SLC12A8: variants seen among roughly 807,000 people sequenced by gnomAD.
SLC12A8 encodes solute carrier family 12 member 8, also known as cation-chloride cotransporter 9.
SLC12A8 carries 69 observed loss-of-function variants against 75.6 expected under a neutral mutation model. The observed-to-expected ratio is 0.91, with a 90% CI of 0.75 to 1.11. SLC12A8 has a LOEUF of 1.11. SLC12A8 is among the 50% of genes most tolerant of loss of function. The pLI is 0.00. For missense variants in SLC12A8, 877 were observed against 896.7 expected, an observed-to-expected ratio of 0.98 and a Z score of 0.28; for synonymous variants, 365 against 372.8, an observed-to-expected ratio of 0.98 and a Z score of 0.24.
intron 5 of SLC12A8, among the ~76,000 whole-genome samples, chr3:125,141,962 G>A (rs547467526): frequency 2.6e-5 from 4 of 152,180 alleles, no homozygotes; most frequent in Non-Finnish European, 4.4e-5. Flanking sequence ...GACGACGCCC[G>A]AAGGGCGTCG....
At chr3:125,098,554 C>CCA (rs3222429) in intron 10 of SLC12A8, among the ~76,000 whole-genome samples, 13,030 of 143,866 alleles carry the variant, frequency 0.091, 610 homozygotes, top group South Asian at 0.13. Context: ...TGAATCTTCT[C>CCA]CACACACACA....
chr3:125,182,286 C>T (rs1001673091), intron 4 of SLC12A8, among the ~76,000 whole-genome samples: 1 of 151,782 alleles, frequency 6.6e-6, no homozygotes, highest in Non-Finnish European at 1.5e-5. Flanking sequence ...GTGATGGCGT[C>T]ACTGCACTCC....
intron 6 of SLC12A8, among the ~76,000 whole-genome samples, chr3:125,126,770 TC>T (rs1415602035): frequency 5.9e-5 from 9 of 152,384 alleles, no homozygotes; most frequent in Admixed American, 5.9e-4. Context: ...TTCAACTTTT[TC>T]TTTCCATTTA....
intron 5 of SLC12A8, among the ~76,000 whole-genome samples, chr3:125,141,101 C>T (rs957082487): frequency 2.7e-5 from 4 of 148,158 alleles, no homozygotes; most frequent in African/African-American, 7.6e-5. Flanking sequence ...TCTCTATCCA[C>T]GGAATAAAAA....
intron 5 of SLC12A8, among the ~76,000 whole-genome samples, chr3:125,167,482 C>T (rs1396637930): frequency 6.6e-6 from 1 of 152,194 alleles, no homozygotes; most frequent in African/African-American, 2.4e-5. Context: ...TCCCAAATGC[C>T]CTCATTAAAG....
intron 5 of SLC12A8, among the ~76,000 whole-genome samples, chr3:125,154,126 C>T (rs1252922650): frequency 6.6e-6 from 1 of 152,156 alleles, no homozygotes; most frequent in Admixed American, 6.5e-5. Context: ...CCTAGGGTCC[C>T]ACAGACAGTG....
intron 2 of SLC12A8, among the ~76,000 whole-genome samples, chr3:125,211,074 T>C (rs983191312): frequency 6.6e-6 from 1 of 152,220 alleles, no homozygotes; most frequent in African/African-American, 2.4e-5. Flanking sequence ...ATCCCAGGAT[T>C]CAAAATCCAC....
rs1293539003 is a variant in SLC12A8 at position 125,120,652 on chromosome 3, G to A, written c.771C>T (p.Leu257=). ...GGGGAATGCTGGCGGCAGGCTCCCT[G>A]AGGTCGCCCCCCATGTTGAAGCCGG... The part of the protein sequence containing the change: ...VMAGFNMGGD[L]REPAASIPLG... Residue 257 remains leucine (L), a synonymous_variant, in exon 7 of 14, where the codon CTC becomes CTT. Transcript: ENST00000469902. 1 of 1,613,670 alleles carries A rather than the reference G, an allele frequency of 6.2e-7. No individual in the cohort carries two copies. The highest frequency in any genetic ancestry group is 1.7e-5 in the Admixed American group (1 of 60,004).
rs572943791 is a variant in SLC12A8 at position 125,103,001 on chromosome 3, T to C, written c.1705+4480A>G. Among the ~76,000 whole-genome samples, 20 of 152,212 alleles carry C rather than the reference T, an allele frequency of 1.3e-4. No individual in the cohort carries two copies. In the East Asian group the frequency reaches 1.7e-3, roughly 13 times the overall value. On this transcript the variant is annotated intron_variant, in intron 10 of 13. Transcript: ENST00000469902. ...GGGGGCTGTGGGAGGTCTATATTTG[T>C]TGTATACCAAGATCCTTTTCTCTGC...
At chr3:125,173,183 AAAAC>A (rs983185993) in intron 5 of SLC12A8, among the ~76,000 whole-genome samples, 5 of 152,242 alleles carry the variant, frequency 3.3e-5, no homozygotes, top group African/African-American at 1.2e-4. Context: ...CCATCTCAAA[AAAAC>A]AAACAAACAA....
intron 2 of SLC12A8, among the ~76,000 whole-genome samples, chr3:125,193,360 A>G (rs1172947245): frequency 1.3e-5 from 2 of 152,002 alleles, no homozygotes; most frequent in Non-Finnish European, 2.9e-5. Context: ...ATAGAGTGAG[A>G]CCCTGTCTCA....
At chr3:125,146,414 T>C (rs1933775053) in intron 5 of SLC12A8, among the ~76,000 whole-genome samples, 1 of 152,174 alleles carries the variant, frequency 6.6e-6, no homozygotes, top group Non-Finnish European at 1.5e-5. Flanking sequence ...TAAAAACGGT[T>C]AAAATGGCAA....
chr3:125,097,264 C>A (rs1307824253), intron 10 of SLC12A8, among the ~76,000 whole-genome samples: 2 of 151,872 alleles, frequency 1.3e-5, no homozygotes, highest in Non-Finnish European at 2.9e-5. Context: ...TGGAACGCAC[C>A]TGTAATCCCA....
Position 125,120,658 on chromosome 3 carries a change from G to T in SLC12A8, c.765C>A (p.Gly255=). The T allele has an allele frequency of 6.2e-7, 1 of 1,613,414 alleles. No individual in the cohort carries two copies. ...TGCTGGCGGCAGGCTCCCTGAGGTCGCCCCCCATGTTGAAGCCGGCCATGA... is the reference window on the plus strand; with the variant it reads ...TGCTGGCGGCAGGCTCCCTGAGGTCTCCCCCCATGTTGAAGCCGGCCATGA... ...TGVMAGFNMG[G]DLREPAASIP... Residue 255 remains glycine (G), a synonymous_variant, in exon 7 of 14, where the codon GGC becomes GGA. Transcript: ENST00000469902.
chr3:125,088,471 C>T lies in SLC12A8; in HGVS notation c.1922-101G>A, dbSNP rs76346373. ...GAATGCAAACCCCAATACACACACA[C>T]GCACAGAATTAACACAAATGTTTTC... On this transcript the variant is annotated intron_variant, in intron 12 of 13. Coordinates refer to ENST00000469902, the MANE Select transcript of SLC12A8 (RefSeq NM_024628.6). 4.3e-3 allele frequency: 3,823 copies of T among 880,294 alleles called. 82 individuals carry two copies. In the African/African-American group the frequency reaches 0.052, roughly 12 times the overall value. The allele number at this position is 880,294 out of a possible 1,614,324, so 54.5% of individuals were successfully genotyped here.
intron 2 of SLC12A8, among the ~76,000 whole-genome samples, chr3:125,202,705 T>C (rs925571995): frequency 1.3e-5 from 2 of 151,106 alleles, no homozygotes; most frequent in Non-Finnish European, 2.9e-5. Flanking sequence ...ACCAAGGACA[T>C]GAAAAACCTC....
At chr3:125,199,651 T>A (rs915102531) in intron 2 of SLC12A8, among the ~76,000 whole-genome samples, 3 of 148,256 alleles carry the variant, frequency 2.0e-5, no homozygotes, top group African/African-American at 7.5e-5. Context: ...AAGGCTGAGG[T>A]GGGAGGATCG....
chr3:125,108,602 C>T (rs577553868), intron 9 of SLC12A8, among the ~76,000 whole-genome samples: 21 of 152,312 alleles, frequency 1.4e-4, no homozygotes, highest in Admixed American at 9.8e-4. Flanking sequence ...CTCCTGGCCT[C>T]AAGCAATCTG....
Position 125,107,335 on chromosome 3 carries a change from C to T in SLC12A8, c.1705+146G>A, listed in dbSNP as rs1332854749. ...TAATTACAAATAATTCAGCTGATAC[C>T]TGAATATAATGTTTTAAAACAAATA... On this transcript the variant is annotated intron_variant, in intron 10 of 13. Coordinates refer to ENST00000469902, the MANE Select transcript of SLC12A8 (RefSeq NM_024628.6). The T allele has an allele frequency of 1.2e-5, 9 of 739,608 alleles. No homozygotes were observed. The Admixed American group carries it at 2.0e-4, about 17-fold the overall frequency. 45.8% of individuals were successfully genotyped at this position (739,608 alleles called of 1,614,324 possible). A position where few individuals can be genotyped will look rare whatever the true frequency, so the allele number is the denominator to read the frequency against.
Sources: allele counts gnomAD v4.1 joint callset (sites outside exome capture counted in the v4.1 genomes callset), GRCh38; gene constraint gnomAD v4.1.1; transcripts MANE v1.5; gene names NCBI Gene and HGNC (gene_info 2026-07-23, HGNC 2026-07-21).